Variants in TPD52 observed in about 807,000 individuals in gnomAD.
TPD52 encodes the protein prostate and colon associated protein.
A neutral mutation model predicts 31.3 loss-of-function variants in TPD52; 17 were observed. That is an observed-to-expected ratio of 0.54 (90% confidence interval 0.37 to 0.82). TPD52 has a LOEUF of 0.82. TPD52 is among the 40% of genes least tolerant of loss of function. The pLI is 0.00. For synonymous variants in TPD52, 83 were observed against 89.6 expected (o/e 0.93, Z 0.42); for missense variants, 212 against 240.1 (o/e 0.88, Z 0.77).
At chr8:80,120,759 T>C (rs916132945) in intron 1 of TPD52, among the ~76,000 whole-genome samples, 4 of 152,204 alleles carry the variant, frequency 2.6e-5, no homozygotes, top group African/African-American at 7.2e-5. Flanking sequence ...TCTTATAACA[T>C]AGAGATAATA....
chr8:80,086,877 CAAAAAAAAAA>C lies in TPD52; in HGVS notation c.20-22294_20-22285del, dbSNP rs58864911. Among the ~76,000 whole-genome samples the C allele has an allele frequency of 5.2e-3, 399 of 76,576 alleles. 1 individual carries two copies. Among genetic ancestry groups the C allele is most frequent in the South Asian group, 0.017 (27 of 1,592 alleles). The allele number at this position is 76,576 out of a possible 152,430, so 50.2% of individuals were successfully genotyped here. ...CAACAAGAGTGAGACGCTGTCTCAA[CAAAAAAAAAA>C]AAAAAAAAAAAAAAAAAAAAAATCA... On this transcript the variant is annotated intron_variant, in intron 1 of 7. Coordinates refer to ENST00000518937, the MANE Select transcript of TPD52 (RefSeq NM_001025253.3).
intron 1 of TPD52, among the ~76,000 whole-genome samples, chr8:80,149,162 T>C (rs1469018196): frequency 6.6e-6 from 1 of 152,214 alleles, no homozygotes; most frequent in Non-Finnish European, 1.5e-5. Context: ...GCTCCCATAA[T>C]TCCCGTGTGT....
At position 80,152,069 on chromosome 8, in the gene TPD52, C is replaced by T. The variant is rs190324684; in HGVS notation, c.19+19356G>A. ...TCACTTCAAAAATAGAATACTGCAA[C>T]GCTAGAAAGGCAACACCCAGGCTTT... On this transcript the variant is annotated intron_variant, in intron 1 of 7. Coordinates refer to ENST00000518937, the MANE Select transcript of TPD52 (RefSeq NM_001025253.3). Among the ~76,000 whole-genome samples, 57 of 152,270 alleles carry T rather than the reference C, an allele frequency of 3.7e-4. No individual in the cohort carries two copies. The East Asian group carries it at 9.5e-3, about 25-fold the overall frequency.
intron 6 of TPD52, 95 bp from the exon 7 acceptor site, chr8:80,042,763 C>A: frequency 8.8e-7 from 1 of 1,135,910 alleles, no homozygotes; most frequent in South Asian, 1.4e-5. Context: ...CAACATTATT[C>A]TCAATCGGCA....
intron 1 of TPD52, among the ~76,000 whole-genome samples, chr8:80,104,928 C>T (rs1024417812): frequency 2.0e-5 from 3 of 151,798 alleles, no homozygotes; most frequent in East Asian, 1.9e-4. Flanking sequence ...GACATGAGGG[C>T]GCACACCTGT....
downstream of TPD52, chr8:80,032,577 C>G (rs919092382): frequency 6.6e-6 from 1 of 152,272 alleles, no homozygotes; most frequent in Non-Finnish European, 1.5e-5. Context: ...TAGTTTCATT[C>G]TACTGCTAAG....
chr8:80,166,642 G>A (rs1267839594), intron 1 of TPD52, among the ~76,000 whole-genome samples: 4 of 151,614 alleles, frequency 2.6e-5, no homozygotes, highest in African/African-American at 7.3e-5. Context: ...AGTGGCTCAC[G>A]CCTGTAATCC....
chr8:80,128,887 T>C (rs1407636152), intron 1 of TPD52, among the ~76,000 whole-genome samples: 2 of 151,972 alleles, frequency 1.3e-5, no homozygotes, highest in African/African-American at 4.8e-5. Context: ...ATCTGGGTTT[T>C]TTTTTTCAGG....
intron 1 of TPD52, among the ~76,000 whole-genome samples, chr8:80,161,515 T>C (rs1811358509): frequency 6.6e-6 from 1 of 152,122 alleles, no homozygotes; most frequent in South Asian, 2.1e-4. Context: ...CAGTCTCCTA[T>C]TCTAGTGACA....
At chr8:80,093,600 G>T (rs1816457384) in intron 1 of TPD52, among the ~76,000 whole-genome samples, 2 of 151,998 alleles carry the variant, frequency 1.3e-5, no homozygotes, top group African/African-American at 4.8e-5. Flanking sequence ...AGCAAGCTGA[G>T]ACCTAACAAA....
At chr8:80,106,530 G>A (rs1807124875) in intron 1 of TPD52, among the ~76,000 whole-genome samples, 1 of 151,894 alleles carries the variant, frequency 6.6e-6, no homozygotes, top group Non-Finnish European at 1.5e-5. Context: ...CTAATTTTTT[G>A]TAGTTTTAGT....
At chr8:80,132,879 AG>A (rs945898310) in intron 1 of TPD52, among the ~76,000 whole-genome samples, 23 of 152,180 alleles carry the variant, frequency 1.5e-4, no homozygotes, top group Non-Finnish European at 4.4e-5. Context: ...GCTGGAAGAA[AG>A]GAAGGGGCAA....
chr8:80,095,785 T>C (rs994240069), intron 1 of TPD52, among the ~76,000 whole-genome samples: 3 of 152,034 alleles, frequency 2.0e-5, no homozygotes, highest in Non-Finnish European at 4.4e-5. Flanking sequence ...CTGTCTCCAC[T>C]AAAAATACAA....
intron 1 of TPD52, among the ~76,000 whole-genome samples, chr8:80,128,660 CAAATAAAATA>C (rs925375837): frequency 1.1e-4 from 17 of 150,190 alleles, no homozygotes; most frequent in Admixed American, 7.3e-4. Context: ...GGCCCTGTCT[CAAATAAAATA>C]AAATAAAATA....
At chr8:80,126,934 C>G (rs1333952849) in intron 1 of TPD52, among the ~76,000 whole-genome samples, 4 of 151,738 alleles carry the variant, frequency 2.6e-5, no homozygotes, top group Admixed American at 1.3e-4. Context: ...ATAGAGAAAC[C>G]CTGTCTCTAC....
At chr8:80,151,192 C>T (rs1215137949) in intron 1 of TPD52, among the ~76,000 whole-genome samples, 1 of 152,184 alleles carries the variant, frequency 6.6e-6, no homozygotes, top group Non-Finnish European at 1.5e-5. Flanking sequence ...CCATGTAAGA[C>T]ATGACTTAGC....
chr8:80,043,863 C>T (rs1468528448), intron 6 of TPD52, among the ~76,000 whole-genome samples: 3 of 151,998 alleles, frequency 2.0e-5, no homozygotes, highest in Admixed American at 1.3e-4. Flanking sequence ...ACAGAGGTGG[C>T]GGGACAAAAG....
chr8:80,102,125 G>A (rs1397951265), intron 1 of TPD52, among the ~76,000 whole-genome samples: 1 of 152,154 alleles, frequency 6.6e-6, no homozygotes, highest in Non-Finnish European at 1.5e-5. Flanking sequence ...TTAAAACATT[G>A]AACATTTACC....
intron 1 of TPD52, among the ~76,000 whole-genome samples, chr8:80,144,879 TAACAACC>T (rs1563659068): frequency 2.0e-5 from 3 of 151,120 alleles, no homozygotes; most frequent in African/African-American, 7.3e-5. Context: ...CAGTAAGTTA[TAACAACC>T]AAAAAAAAAA....
Sources: gnomAD v4.1 joint callset for allele counts (sites outside exome capture counted in the v4.1 genomes callset) on GRCh38, gnomAD v4.1.1 for gene constraint, MANE v1.5 for transcripts, NCBI Gene and HGNC (gene_info 2026-07-23, HGNC 2026-07-21) for gene names.